The following CYB5R4 variants were observed in gnomAD, a reference collection of about 807,000 sequenced individuals.
CYB5R4 encodes cytochrome b5 reductase 4, also known as N-terminal cytochrome b5 and cytochrome b5 oxidoreductase domain-containing protein.
Under a neutral mutation model 70.2 loss-of-function variants are expected in CYB5R4, and 55 were observed. That is an observed-to-expected ratio of 0.78 (90% CI 0.63 to 0.98). The LOEUF is 0.98. Among genes scored for constraint, CYB5R4 ranks in the 50% least tolerant of loss-of-function variants. The pLI is 0.00. For missense variants in CYB5R4, 562 were observed against 612.6 expected, an observed-to-expected ratio of 0.92 and a Z score of 0.87; for synonymous variants, 197 against 199.5, an observed-to-expected ratio of 0.99 and a Z score of 0.11.
chr6:83,902,732 A>T (rs1588570476), intron 3 of CYB5R4, among the ~76,000 whole-genome samples: 1 of 152,146 alleles, frequency 6.6e-6, no homozygotes, highest in East Asian at 1.9e-4. Context: ...TTACTTGTAG[A>T]GATCTTTCAT....
intron 2 of CYB5R4, among the ~76,000 whole-genome samples, chr6:83,870,794 C>G (rs1446793370): frequency 6.6e-6 from 1 of 151,940 alleles, no homozygotes; most frequent in Non-Finnish European, 1.5e-5. Flanking sequence ...ACTCACAGTG[C>G]TTTTAGACAT....
At position 83,940,612 on chromosome 6, in the gene CYB5R4, G is replaced by T; in HGVS notation, c.1346+11G>T. 6.3e-7 allele frequency: 1 copy of T among 1,591,060 alleles called. No homozygotes were observed. The highest frequency in any genetic ancestry group is 1.2e-5 in the South Asian group (1 of 86,900). Reference sequence around the variant, plus strand: ...ATTTAAAGATAAAAGGTATTAAACTGATATTAGCTCTGCGTTTAGTTATTT... The same window carrying T: ...ATTTAAAGATAAAAGGTATTAAACTTATATTAGCTCTGCGTTTAGTTATTT... On this transcript the variant is annotated intron_variant, in intron 14 of 15. Transcript: ENST00000369681.
chr6:83,891,873 G>C (rs1484985693), intron 2 of CYB5R4, among the ~76,000 whole-genome samples: 1 of 152,162 alleles, frequency 6.6e-6, no homozygotes, highest in Non-Finnish European at 1.5e-5. Context: ...GCTGGTTGCT[G>C]AAACTCGTGG....
chr6:83,891,924 C>T (rs1009744000), intron 2 of CYB5R4, among the ~76,000 whole-genome samples: 1 of 152,122 alleles, frequency 6.6e-6, no homozygotes, highest in African/African-American at 2.4e-5. Context: ...ATTTCTTGTT[C>T]TTGAGAAACT....
At chr6:83,870,815 G>A (rs1448498023) in intron 2 of CYB5R4, among the ~76,000 whole-genome samples, 2 of 151,922 alleles carry the variant, frequency 1.3e-5, no homozygotes, top group Admixed American at 6.6e-5. Context: ...TCAAAGACAC[G>A]CAGAGAGCAG....
At position 83,919,454 on chromosome 6, in the gene CYB5R4, G is replaced by T; in HGVS notation, c.564G>T (p.Lys188Asn). The change falls in exon 7 of 16, where the codon AAG becomes AAT. Residue 188 changes from lysine to asparagine, a missense_variant and splice_region_variant. Physicochemically the swap from Lys to Asn is moderately conservative, Grantham distance 94 (BLOSUM62 0). Transcript: ENST00000369681. ...CCATTGCCATATATACTAAACAGAA[G>T]GTAAATATGTCTTTAAAATCAGAAA... is the stretch of plus-strand genomic sequence containing the variant. The part of the protein sequence containing the change: ...LVTIAIYTKQ[K>N]DINLDSIIVD... 6.9e-7 allele frequency: 1 copy of T among 1,447,002 alleles called. No individual in the cohort carries two copies. Among genetic ancestry groups the T allele is most frequent in the Non-Finnish European group, 9.4e-7 (1 of 1,060,960 alleles). The allele number at this position is 1,447,002 out of a possible 1,614,324, so 89.6% of individuals were successfully genotyped here.
In CYB5R4 at chr6:83,930,158, TG is replaced by T. The variant is rs1333904859; in HGVS notation, c.815-4435del. Among the ~76,000 whole-genome samples the T allele has an allele frequency of 2.0e-5, 3 of 152,322 alleles. No individual in the cohort carries two copies. In the South Asian group the frequency reaches 6.2e-4, roughly 32 times the overall value. ...CTTCAGTGAATCATAATCTTTTTGC[TG>T]GTGGAGAGTCTTGCCTCGATGCTGA... On this transcript the variant is annotated intron_variant, in intron 10 of 15. Coordinates refer to ENST00000369681, the MANE Select transcript of CYB5R4 (RefSeq NM_016230.4).
rs2099456426 is a variant in CYB5R4 at position 83,864,307 on chromosome 6, G to A, written c.208G>A (p.Asp70Asn). Residue 70 changes from aspartate to asparagine, a missense_variant, in exon 2 of 16, where the codon GAT becomes AAT. Coordinates refer to ENST00000369681, the MANE Select transcript of CYB5R4 (RefSeq NM_016230.4). ...EELKKHNKKD[D>N]CWICIRGFVY... is the part of the protein sequence containing the mutation. ...ACTTAAGAAACACAACAAAAAAGAT[G>A]ATTGTTGGATATGCATAAGAGGTAG... 6.2e-7 allele frequency: 1 copy of A among 1,612,348 alleles called. No homozygotes were observed. The highest frequency in any genetic ancestry group is 2.2e-5 in the East Asian group (1 of 44,782).
rs1588581954 is a variant in CYB5R4 at position 83,936,312 on chromosome 6, C to G, written c.1044C>G (p.Ile348Met). Residue 348 changes from isoleucine to methionine, a missense_variant, in exon 12 of 16, where the codon ATC becomes ATG. Transcript: ENST00000369681. ...KEPVLPNNKYIYFLIKIYPTG... is the reference protein window; with the variant it reads ...KEPVLPNNKYMYFLIKIYPTG... ...CAGTTCTTCCCAACAATAAATACAT[C>G]TACTTTTTGATAAAAATCTATCCCA... 2 of 1,612,324 alleles carry G rather than the reference C, an allele frequency of 1.2e-6. No homozygotes were observed. Among genetic ancestry groups the G allele is most frequent in the East Asian group, 2.2e-5 (1 of 44,800 alleles).
chr6:83,863,912 G>C (rs1351436853), intron 1 of CYB5R4, among the ~76,000 whole-genome samples: 2 of 152,080 alleles, frequency 1.3e-5, no homozygotes, highest in Non-Finnish European at 2.9e-5. Context: ...CCTGGATTTT[G>C]GTATAGGGTA....
At chr6:83,924,632 G>A in intron 10 of CYB5R4, 40 bp downstream of exon 10, 3 of 1,600,212 alleles carry the variant, frequency 1.9e-6, no homozygotes, top group Middle Eastern at 1.7e-4. Flanking sequence ...TCACATTCAT[G>A]AAATTGTTGT....
chr6:83,916,570 C>T (rs2099465546), intron 5 of CYB5R4, among the ~76,000 whole-genome samples: 1 of 152,000 alleles, frequency 6.6e-6, no homozygotes, highest in Non-Finnish European at 1.5e-5. Context: ...CTTTTAGTGC[C>T]CACTGCTAAT....
chr6:83,899,466 G>A (rs2099462495), intron 3 of CYB5R4, among the ~76,000 whole-genome samples: 1 of 152,128 alleles, frequency 6.6e-6, no homozygotes, highest in Admixed American at 6.6e-5. Context: ...ATATGAGGAT[G>A]ATGCTGGCCT....
At chr6:83,901,808 T>C (rs1232954078) in intron 3 of CYB5R4, among the ~76,000 whole-genome samples, 10 of 152,158 alleles carry the variant, frequency 6.6e-5, no homozygotes, top group Admixed American at 3.9e-4. Flanking sequence ...CATTTTTTCA[T>C]GTACTCATCA....
At chr6:83,897,543 C>G (rs1486459092) in intron 3 of CYB5R4, among the ~76,000 whole-genome samples, 3 of 152,182 alleles carry the variant, frequency 2.0e-5, no homozygotes, top group Non-Finnish European at 4.4e-5. Flanking sequence ...TTCTCCACAT[C>G]CTCTCCAGCA....
chr6:83,932,365 T>C (rs187539329), intron 10 of CYB5R4, among the ~76,000 whole-genome samples: 8 of 152,292 alleles, frequency 5.3e-5, no homozygotes, highest in African/African-American at 9.6e-5. Flanking sequence ...TTAAATATCA[T>C]TGGAGAGTTG....
intron 15 of CYB5R4, among the ~76,000 whole-genome samples, chr6:83,956,341 C>T (rs893012487): frequency 2.0e-5 from 3 of 152,068 alleles, no homozygotes; most frequent in Non-Finnish European, 4.4e-5. Flanking sequence ...TTAGTTTGGT[C>T]CAGAAAGGCA....
At chr6:83,893,159 C>T (rs1056163485) in intron 2 of CYB5R4, among the ~76,000 whole-genome samples, 5 of 152,198 alleles carry the variant, frequency 3.3e-5, no homozygotes, top group African/African-American at 1.2e-4. Context: ...TAATGCAGCG[C>T]ATTAAGTGTA....
chr6:83,867,608 G>A (rs2099456938), intron 2 of CYB5R4, among the ~76,000 whole-genome samples: 2 of 152,210 alleles, frequency 1.3e-5, no homozygotes, highest in South Asian at 2.1e-4. Context: ...AAAGGTCATG[G>A]AATAATAGGA....
Sources: allele counts gnomAD v4.1 joint callset (sites outside exome capture counted in the v4.1 genomes callset), GRCh38; gene constraint gnomAD v4.1.1; transcripts MANE v1.5; gene names NCBI Gene and HGNC (gene_info 2026-07-23, HGNC 2026-07-21).